Variants in GANC observed in about 807,000 individuals in gnomAD.
GANC encodes glucosidase alpha, neutral C.
In GANC, 117 loss-of-function variants were observed where a neutral mutation model predicts 124.2. The ratio of observed to expected loss-of-function variants is 0.94; its 90% CI spans 0.81 to 1.10. The LOEUF (loss-of-function observed/expected upper bound fraction) is 1.10, where lower values mean the gene tolerates loss of function less well. GANC is among the 50% of genes least tolerant of loss of function. The probability of loss-of-function intolerance (pLI) is 0.00; values close to 1 mark genes in which losing one functional copy is unlikely to be tolerated. For synonymous variants in GANC, 377 were observed against 376.8 expected (o/e 1.00, Z -0.01); for missense variants, 1,140 against 1,095.0 (o/e 1.04, Z -0.58).
intron 10 of GANC, among the ~76,000 whole-genome samples, chr15:42,313,089 G>A (rs1250950733): frequency 1.3e-5 from 2 of 152,210 alleles, no homozygotes; most frequent in Non-Finnish European, 1.5e-5. Flanking sequence ...CTTTGTCCAT[G>A]TCACCATTAT....
intron 22 of GANC, among the ~76,000 whole-genome samples, chr15:42,350,974 G>A (rs1254188327): frequency 6.6e-6 from 1 of 151,130 alleles, no homozygotes; most frequent in Non-Finnish European, 1.5e-5. Flanking sequence ...CAGGTTCGGG[G>A]GATTCTCGTG....
In GANC at chr15:42,340,686, C is replaced by G; in HGVS notation, c.2088-4C>G. ...TAAAACAATAATTTTTTTTCTTTCC[C>G]CAGGCCTCTGTGGGTAGAGTTCCCT... On this transcript the variant is annotated splice_region_variant and splice_polypyrimidine_tract_variant and intron_variant, in intron 17 of 23. Coordinates refer to ENST00000318010, the MANE Select transcript of GANC (RefSeq NM_198141.3). The G allele has an allele frequency of 6.3e-7, 1 of 1,599,846 alleles. No individual in the cohort carries two copies. Among genetic ancestry groups the G allele is most frequent in the South Asian group, 1.1e-5 (1 of 88,762 alleles).
intron 10 of GANC, chr15:42,313,985 T>C: frequency 2.6e-6 from 1 of 388,858 alleles, no homozygotes; most frequent in South Asian, 2.1e-5. Context: ...ACAAAATTAA[T>C]GTAATAGTGA....
intron 6 of GANC, among the ~76,000 whole-genome samples, chr15:42,305,571 T>TTACTGGTTCTAGCCATCCCATCCATCTAG (rs1307720107): frequency 6.6e-6 from 1 of 152,180 alleles, no homozygotes; most frequent in African/African-American, 2.4e-5. Context: ...AGAAATACCA[T>TTACTGGTTCTAGCCATCCCATCCATCTAG]CGGACCCAGC....
chr15:42,352,996 A>G lies in GANC; in HGVS notation c.*857A>G, dbSNP rs551870146. The G allele has an allele frequency of 3.1e-4, 214 of 695,356 alleles. No individual in the cohort carries two copies. In the African/African-American group the frequency reaches 3.9e-3, roughly 13 times the overall value. The allele number at this position is 695,356 out of a possible 1,614,324, so 43.1% of individuals were successfully genotyped here. The stretch of plus-strand genomic sequence containing the variant: ...TCAAAGTAAGTAATATTTCAATCCA[A>G]TATTTTTAAAAATCAGAATTAATGC... On this transcript the variant is annotated 3_prime_UTR_variant, in exon 24 of 24. Coordinates refer to ENST00000318010, the MANE Select transcript of GANC (RefSeq NM_198141.3).
intron 2 of GANC, chr15:42,278,205 A>C: frequency 4.4e-6 from 1 of 227,638 alleles, no homozygotes; most frequent in Non-Finnish European, 9.0e-6. Context: ...AATGTCATCT[A>C]TGAAAATTGC....
At chr15:42,281,688 T>C (rs2051735766) in intron 3 of GANC, among the ~76,000 whole-genome samples, 1 of 151,684 alleles carries the variant, frequency 6.6e-6, no homozygotes, top group South Asian at 2.1e-4. Flanking sequence ...CCAAAAAAAA[T>C]TGACCTAAAA....
At chr15:42,279,686 G>A (rs116472242) in intron 3 of GANC, among the ~76,000 whole-genome samples, 1 of 152,174 alleles carries the variant, frequency 6.6e-6, no homozygotes, top group African/African-American at 2.4e-5. Flanking sequence ...AGTTTCTAAG[G>A]CCTCTGAGAC....
At chr15:42,346,696 A>G (rs2052367504) in intron 20 of GANC, among the ~76,000 whole-genome samples, 1 of 152,206 alleles carries the variant, frequency 6.6e-6, no homozygotes, top group South Asian at 2.1e-4. Flanking sequence ...GCCATCTGGA[A>G]TATCATTCTA....
rs984899271 is a variant in GANC at position 42,273,649 on chromosome 15, G to T, written c.-833G>T. ...AGAGAGATCGCTACATGCCAGCCTG[G>T]CCTGAGTCTTTTCTGTCTCCCAGCC... On this transcript the variant is annotated 5_prime_UTR_variant, in exon 1 of 24. Coordinates refer to ENST00000318010, the MANE Select transcript of GANC (RefSeq NM_198141.3). 2 of 545,936 alleles carry T rather than the reference G, an allele frequency of 3.7e-6. No individual in the cohort carries two copies. Among genetic ancestry groups the T allele is most frequent in the Non-Finnish European group, 6.4e-6 (2 of 312,984 alleles). The allele number at this position is 545,936 out of a possible 1,614,324, so 33.8% of individuals were successfully genotyped here.
chr15:42,283,805 G>A (rs942797590), intron 3 of GANC: 2 of 702,492 alleles, frequency 2.8e-6, no homozygotes, highest in Non-Finnish European at 5.2e-6. Context: ...TGTGTCTGCA[G>A]AAATGGCCAG....
intron 20 of GANC, 114 bp downstream of exon 20, chr15:42,345,946 C>T (rs986098505): frequency 5.6e-6 from 4 of 717,668 alleles, no homozygotes; most frequent in South Asian, 1.9e-5. Context: ...CTTATTTTCT[C>T]GAAGTTTTGG....
At chr15:42,349,545 C>A (rs781682322) in intron 22 of GANC, 50 bp downstream of exon 22, 2 of 1,056,486 alleles carry the variant, frequency 1.9e-6, no homozygotes, top group Non-Finnish European at 2.9e-6. Context: ...ATCACACTAT[C>A]CGTTCAGCAT....
chr15:42,319,313 T>G (rs1372988296), intron 10 of GANC, among the ~76,000 whole-genome samples: 1 of 150,802 alleles, frequency 6.6e-6, no homozygotes, highest in East Asian at 2.0e-4. Context: ...TGATCAATGC[T>G]GCTCTGTATA....
At chr15:42,335,073 T>A (rs2052274106) in intron 15 of GANC, among the ~76,000 whole-genome samples, 1 of 152,108 alleles carries the variant, frequency 6.6e-6, no homozygotes, top group Non-Finnish European at 1.5e-5. Context: ...ACTGACACTA[T>A]TTCAAAAAAT....
In GANC at chr15:42,352,220, C is replaced by A; in HGVS notation, c.*81C>A. 6.3e-7 allele frequency: 1 copy of A among 1,575,464 alleles called. No homozygotes were observed. The highest frequency in any genetic ancestry group is 8.6e-7 in the Non-Finnish European group (1 of 1,157,546). The stretch of plus-strand genomic sequence containing the variant: ...CCCCTCACCTTTTTTGAGATTTTTG[C>A]TGCAATCTGTTTGCCTTCCCTGAAT... On this transcript the variant is annotated 3_prime_UTR_variant, in exon 24 of 24. Coordinates refer to ENST00000318010, the MANE Select transcript of GANC (RefSeq NM_198141.3).
At chr15:42,320,540 C>T (rs1303843346) in intron 10 of GANC, among the ~76,000 whole-genome samples, 2 of 152,144 alleles carry the variant, frequency 1.3e-5, no homozygotes, top group Admixed American at 6.5e-5. Flanking sequence ...CCTCCACCTC[C>T]TGGGTTCAAG....
rs2052206257 is a variant in GANC at position 42,327,348 on chromosome 15, G to C, written c.1421-15G>C. On this transcript the variant is annotated splice_polypyrimidine_tract_variant and intron_variant, in intron 12 of 23. Transcript: ENST00000318010. ...CACTGTTCTTGACAGGCTATCTACT[G>C]TTCTGCCTCCACAGGTCTCTCCTCT... The C allele has an allele frequency of 6.2e-7, 1 of 1,601,444 alleles. No individual in the cohort carries two copies. The highest frequency in any genetic ancestry group is 1.1e-5 in the South Asian group (1 of 90,244).
At chr15:42,333,154 C>G (rs997819217) in intron 15 of GANC, among the ~76,000 whole-genome samples, 26 of 151,008 alleles carry the variant, frequency 1.7e-4, no homozygotes, top group African/African-American at 6.1e-4. Context: ...ATGGTGAAAC[C>G]CTGTCTCTAC....
Sources: gnomAD v4.1 joint callset for allele counts (sites outside exome capture counted in the v4.1 genomes callset) on GRCh38, gnomAD v4.1.1 for gene constraint, MANE v1.5 for transcripts, NCBI Gene and HGNC (gene_info 2026-07-23, HGNC 2026-07-21) for gene names.